DYNC2H1: variants seen among roughly 807,000 people sequenced by gnomAD.
DYNC2H1 encodes cytoplasmic dynein 2 heavy chain 1.
DYNC2H1 carries 410 observed loss-of-function variants against 570.0 expected under a neutral mutation model. The observed-to-expected ratio is 0.72, with a 90% CI of 0.66 to 0.78. The LOEUF is 0.78. Among genes scored for constraint, DYNC2H1 ranks in the 30% least tolerant of loss-of-function variants. The pLI is 0.00. For missense variants in DYNC2H1, 4,865 were observed against 5,046.4 expected, an observed-to-expected ratio of 0.96 and a Z score of 1.09; for synonymous variants, 1,688 against 1,677.6, an observed-to-expected ratio of 1.01 and a Z score of -0.15.
rs764126253 is a variant in DYNC2H1 at position 103,163,184 on chromosome 11, G to A, written c.4611+37G>A. 5 of 1,576,944 alleles carry A rather than the reference G, an allele frequency of 3.2e-6. No homozygotes were observed. The East Asian group carries it at 1.1e-4, about 36-fold the overall frequency. On this transcript the variant is annotated intron_variant, in intron 30 of 88. Coordinates refer to ENST00000375735, the MANE Select transcript of DYNC2H1 (RefSeq NM_001377.3). This position sits in a 1 kb window ranked among gnomAD's most constrained non-coding sequence, Gnocchi z 4.6. The stretch of plus-strand genomic sequence containing the variant: ...TACGTGTAGAAGCTACATAGGCATG[G>A]AACGTGGAAAGATCCCTGACCTAGA...
intron 28 of DYNC2H1, 116 bp downstream of exon 28, chr11:103,159,143 C>T: frequency 1.4e-6 from 1 of 724,684 alleles, no homozygotes. Context: ...TACCCAAATA[C>T]AGTTCCTGTA....
At chr11:103,368,123 T>C (rs115992024) in intron 83 of DYNC2H1, among the ~76,000 whole-genome samples, 147 of 152,340 alleles carry the variant, frequency 9.6e-4, no homozygotes, top group African/African-American at 3.3e-3. Context: ...TTTGGATATA[T>C]ACCCAGTAGT....
chr11:103,121,979 G>GT (rs1223329703), intron 10 of DYNC2H1, among the ~76,000 whole-genome samples: 1 of 152,058 alleles, frequency 6.6e-6, no homozygotes, highest in Non-Finnish European at 1.5e-5. Context: ...AATTTTAGTA[G>GT]TTGCAAAGTC....
rs1261264378 is a variant in DYNC2H1 at position 103,189,524 on chromosome 11, G to A, written c.7293-148G>A. ...AAATGAGAATGGATCGGGGCGATGA[G>A]CCTAGTCTTAGCCCCCTGGGTAAGC... is the stretch of plus-strand genomic sequence containing the variant. On this transcript the variant is annotated intron_variant, in intron 44 of 88. Transcript: ENST00000375735. This position sits in a 1 kb window ranked among gnomAD's most constrained non-coding sequence, Gnocchi z 4.3. The A allele has an allele frequency of 2.9e-6, 2 of 689,198 alleles. No individual in the cohort carries two copies. Among genetic ancestry groups the A allele is most frequent in the South Asian group, 2.1e-5 (1 of 46,752 alleles). 42.7% of individuals were successfully genotyped at this position (689,198 alleles called of 1,614,324 possible).
chr11:103,271,905 T>C (rs1865723461), intron 70 of DYNC2H1, among the ~76,000 whole-genome samples: 3 of 152,122 alleles, frequency 2.0e-5, no homozygotes, highest in Admixed American at 6.5e-5. Context: ...ATGGCGATCA[T>C]TAAAAAGTCA....
At chr11:103,468,999 C>T (rs771600329) in intron 88 of DYNC2H1, among the ~76,000 whole-genome samples, 22 of 152,158 alleles carry the variant, frequency 1.4e-4, no homozygotes, top group Non-Finnish European at 2.8e-4. Flanking sequence ...GTGTTGCATT[C>T]CTCTTATTTT....
At chr11:103,225,484 C>T (rs1281792076) in intron 59 of DYNC2H1, among the ~76,000 whole-genome samples, 1 of 151,946 alleles carries the variant, frequency 6.6e-6, no homozygotes, top group Non-Finnish European at 1.5e-5. Flanking sequence ...TTCCGATTAC[C>T]CCAGCACCAT....
At chr11:103,266,363 G>A (rs1216953214) in intron 70 of DYNC2H1, among the ~76,000 whole-genome samples, 2 of 152,082 alleles carry the variant, frequency 1.3e-5, no homozygotes, top group African/African-American at 4.8e-5. Flanking sequence ...TGGCTCAAGG[G>A]CAGGGCCCCT....
At position 103,448,631 on chromosome 11, in the gene DYNC2H1, G is replaced by A. The variant is rs145056099; in HGVS notation, c.12457-6555G>A. 3.2e-3 allele frequency among the ~76,000 whole-genome samples: 490 copies of A among 152,262 alleles called. 6 individuals carry two copies. Among genetic ancestry groups the A allele is most frequent in the African/African-American group, 0.011 (453 of 41,558 alleles). On this transcript the variant is annotated intron_variant, in intron 85 of 88. Coordinates refer to ENST00000375735, the MANE Select transcript of DYNC2H1 (RefSeq NM_001377.3). ...GTAGGGCAGAGAGAGATTTCTTATA[G>A]TCAGCTTTCAGCAATATCTTTAAAT...
intron 84 of DYNC2H1, chr11:103,405,283 T>TA (rs1454213195): frequency 1.3e-5 from 2 of 151,758 alleles, no homozygotes; most frequent in Non-Finnish European, 2.9e-5. Context: ...ACTGCTGTAA[T>TA]GAGGGCTGAT....
At chr11:103,370,716 C>T (rs979885432) in intron 83 of DYNC2H1, among the ~76,000 whole-genome samples, 5 of 152,284 alleles carry the variant, frequency 3.3e-5, no homozygotes, top group South Asian at 2.1e-4. Context: ...TAGTCCAAGA[C>T]CATCAAGGTG....
chr11:103,432,418 C>T (rs1943924478), intron 84 of DYNC2H1, among the ~76,000 whole-genome samples: 1 of 152,100 alleles, frequency 6.6e-6, no homozygotes, highest in Admixed American at 6.6e-5. Flanking sequence ...TGTCAACTTC[C>T]GATAACTGGC....
chr11:103,290,677 C>T (rs1866556783), intron 75 of DYNC2H1, among the ~76,000 whole-genome samples: 1 of 151,950 alleles, frequency 6.6e-6, no homozygotes, highest in Non-Finnish European at 1.5e-5. Context: ...TGTTTCTCTG[C>T]CCCCCTACTC....
At position 103,154,573 on chromosome 11, in the gene DYNC2H1, A is replaced by C; in HGVS notation, c.3425A>C (p.Gln1142Pro). ...TATGAAGAGTTTCAACAAGGATTTCAGGAAATGGCCAATGAAGACTGGATC... is the reference window on the plus strand; with the variant it reads ...TATGAAGAGTTTCAACAAGGATTTCCGGAAATGGCCAATGAAGACTGGATC... The part of the protein sequence containing the change: ...AFYEEFQQGF[Q>P]EMANEDWITF... Residue 1142 changes from glutamine to proline, a missense_variant, in exon 23 of 89, where the codon CAG (glutamine) becomes CCG (proline). Physicochemically the swap from Gln to Pro is moderately conservative, Grantham distance 76. Coordinates refer to ENST00000375735, the MANE Select transcript of DYNC2H1 (RefSeq NM_001377.3). 6.2e-7 allele frequency: 1 copy of C among 1,603,212 alleles called. No individual in the cohort carries two copies.
intron 20 of DYNC2H1, 28 bp from the exon 21 acceptor site, chr11:103,152,108 A>T: frequency 8.0e-7 from 1 of 1,248,672 alleles, no homozygotes; most frequent in Non-Finnish European, 1.1e-6. Flanking sequence ...GTTGTTATTC[A>T]ATTTGTTTTT....
In DYNC2H1 at chr11:103,268,389, C is replaced by T. The variant is rs991584549; in HGVS notation, c.10695+8412C>T. 1.1e-4 allele frequency among the ~76,000 whole-genome samples: 16 copies of T among 151,854 alleles called. No individual in the cohort carries two copies. Among genetic ancestry groups the T allele is most frequent in the African/African-American group, 3.6e-4 (15 of 41,400 alleles). ...CTGTTTTCTTGATATTTTAAATAAGCTTTTGCTTTATATAGAAAAAGTCTA... is the reference window on the plus strand; with the variant it reads ...CTGTTTTCTTGATATTTTAAATAAGTTTTTGCTTTATATAGAAAAAGTCTA... On this transcript the variant is annotated intron_variant, in intron 70 of 88. Coordinates refer to ENST00000375735, the MANE Select transcript of DYNC2H1 (RefSeq NM_001377.3). This position sits in a 1 kb window ranked among gnomAD's most constrained non-coding sequence, Gnocchi z 4.6.
intron 75 of DYNC2H1, chr11:103,287,877 A>G (rs1866411074): frequency 3.1e-6 from 1 of 324,984 alleles, no homozygotes; most frequent in African/African-American, 2.1e-5. Flanking sequence ...AGAAAGAGTA[A>G]TTCACACAGA....
intron 85 of DYNC2H1, among the ~76,000 whole-genome samples, chr11:103,445,674 C>T (rs1468528146): frequency 3.9e-5 from 6 of 152,074 alleles, no homozygotes; most frequent in Admixed American, 3.3e-4. Flanking sequence ...TTTTTTGAGA[C>T]GGAGTCTCGC....
intron 82 of DYNC2H1, among the ~76,000 whole-genome samples, chr11:103,353,696 C>G (rs1940163339): frequency 6.6e-6 from 1 of 151,978 alleles, no homozygotes; most frequent in Non-Finnish European, 1.5e-5. Context: ...CTTTTTCATT[C>G]TATTACCTTT....
Sources: gnomAD v4.1 joint callset for allele counts (sites outside exome capture counted in the v4.1 genomes callset) on GRCh38, gnomAD v4.1.1 for gene constraint, Gnocchi (gnomAD v3.1) non-coding constraint, MANE v1.5 for transcripts, NCBI Gene and HGNC (gene_info 2026-07-23, HGNC 2026-07-21) for gene names.